NEDD4L: variants seen among roughly 807,000 people sequenced by gnomAD.
NEDD4L encodes the protein NEDD4 like E3 ubiquitin protein ligase, also known as E3 ubiquitin-protein ligase NEDD4-like.
Under a neutral mutation model 148.9 loss-of-function variants are expected in NEDD4L, and 54 were observed. The ratio of observed to expected loss-of-function variants is 0.36; its 90% confidence interval spans 0.29 to 0.45. The LOEUF is 0.45. Among genes scored for constraint, NEDD4L ranks in the 20% least tolerant of loss-of-function variants. NEDD4L has a pLI of 1.00. For missense variants in NEDD4L, 856 were observed against 1,233.8 expected, an observed-to-expected ratio of 0.69 and a Z score of 4.59; for synonymous variants, 433 against 440.7, an observed-to-expected ratio of 0.98 and a Z score of 0.22.
At chr18:58,182,466 G>A (rs895287757) in intron 2 of NEDD4L, among the ~76,000 whole-genome samples, 1 of 150,732 alleles carries the variant, frequency 6.6e-6, no homozygotes, top group Non-Finnish European at 1.5e-5. Flanking sequence ...TGGGCTGTTA[G>A]GACAGTTCCT....
intron 5 of NEDD4L, among the ~76,000 whole-genome samples, chr18:58,295,499 G>A (rs188613949): frequency 4.3e-4 from 65 of 152,264 alleles, no homozygotes; most frequent in African/African-American, 7.5e-4. Context: ...AAATGCCACC[G>A]CTTAGTTAGT....
At chr18:58,315,368 G>T (rs371494589) in intron 5 of NEDD4L, among the ~76,000 whole-genome samples, 2 of 152,074 alleles carry the variant, frequency 1.3e-5, no homozygotes, top group South Asian at 2.1e-4. Flanking sequence ...GGAGAGATAC[G>T]TGCAGTATGG....
At chr18:58,228,988 A>G (rs292448) in intron 2 of NEDD4L, among the ~76,000 whole-genome samples, 1 of 151,984 alleles carries the variant, frequency 6.6e-6, no homozygotes, top group Admixed American at 6.5e-5. Flanking sequence ...GCGGCTCACA[A>G]CTACCCAATC....
chr18:58,283,519 A>G (rs940681926), intron 5 of NEDD4L, among the ~76,000 whole-genome samples: 1 of 152,206 alleles, frequency 6.6e-6, no homozygotes, highest in Non-Finnish European at 1.5e-5. Context: ...GGAGAGAGAT[A>G]TGCAATATTT....
At chr18:58,054,740 CTG>C (rs1191388893) in intron 1 of NEDD4L, 3 of 152,296 alleles carry the variant, frequency 2.0e-5, no homozygotes, top group Non-Finnish European at 4.4e-5. Context: ...AAGCTTCAGA[CTG>C]TATTTCCTCC....
At chr18:58,215,472 T>G (rs2147819967) in intron 2 of NEDD4L, among the ~76,000 whole-genome samples, 1 of 152,350 alleles carries the variant, frequency 6.6e-6, no homozygotes, top group Middle Eastern at 3.4e-3. Flanking sequence ...TAATTTTTCA[T>G]TGATAAGAAT....
chr18:58,085,494 G>T (rs2083712509), intron 1 of NEDD4L, among the ~76,000 whole-genome samples: 1 of 152,206 alleles, frequency 6.6e-6, no homozygotes, highest in Admixed American at 6.5e-5. Context: ...AAATGAGTGT[G>T]CAAGATAATG....
chr18:58,366,385 GT>G lies in NEDD4L; in HGVS notation c.2063+159del, dbSNP rs1370197247. 1.3e-5 allele frequency among the ~76,000 whole-genome samples: 2 copies of G among 152,174 alleles called. No homozygotes were observed. Among genetic ancestry groups the G allele is most frequent in the Non-Finnish European group, 2.9e-5 (2 of 68,036 alleles). ...ACAGCCCCTTGCAAGTCTAGAACAG[GT>G]TCTGACTCTACGTGGTGAAATAGTG... On this transcript the variant is annotated intron_variant, in intron 21 of 30. Coordinates refer to ENST00000400345, the MANE Select transcript of NEDD4L (RefSeq NM_001144967.3). This position sits in a 1 kb window ranked among gnomAD's most constrained non-coding sequence, Gnocchi z 4.2.
intron 1 of NEDD4L, among the ~76,000 whole-genome samples, chr18:58,130,570 G>A (rs1311287199): frequency 2.1e-5 from 3 of 140,452 alleles, no homozygotes; most frequent in South Asian, 2.5e-4. Context: ...TAGCGGAACT[G>A]TGGCGGTGTT....
At chr18:58,052,067 T>TA (rs994563366) in intron 1 of NEDD4L, among the ~76,000 whole-genome samples, 3 of 151,974 alleles carry the variant, frequency 2.0e-5, no homozygotes, top group Admixed American at 6.6e-5. Flanking sequence ...GAGTTGAGAA[T>TA]AAAAAAAACT....
intron 27 of NEDD4L, 62 bp downstream of exon 27, chr18:58,387,560 AC>A: frequency 2.2e-6 from 3 of 1,388,130 alleles, no homozygotes; most frequent in Non-Finnish European, 2.9e-6. Flanking sequence ...TCATTACTTT[AC>A]AAGTAATATT....
chr18:58,202,480 G>A (rs1266468900), intron 2 of NEDD4L, among the ~76,000 whole-genome samples: 3 of 152,210 alleles, frequency 2.0e-5, no homozygotes, highest in Non-Finnish European at 4.4e-5. Flanking sequence ...GGATTCCCTG[G>A]GTGACTCATG....
chr18:58,239,795 C>T (rs766730524), intron 2 of NEDD4L, among the ~76,000 whole-genome samples: 47 of 152,298 alleles, frequency 3.1e-4, no homozygotes, highest in Non-Finnish European at 6.0e-4. Context: ...GAACAAGACC[C>T]TTGAATAAGA....
chr18:58,084,671 T>TTGTGTGTGTGTGTGTG lies in NEDD4L; in HGVS notation c.48+39987_48+40002dup, dbSNP rs55916532. Reference sequence around the variant, plus strand: ...CTTCTCACTATATCTTGTGGGGTTTTTGTGTGTGTGTGTGTGTGTGTGTGT... The same window carrying TTGTGTGTGTGTGTGTG: ...CTTCTCACTATATCTTGTGGGGTTTTTGTGTGTGTGTGTGTGTGTGTGTGTGTGTGTGTGTGTGTGT... On this transcript the variant is annotated intron_variant, in intron 1 of 30. Coordinates refer to ENST00000400345, the MANE Select transcript of NEDD4L (RefSeq NM_001144967.3). 2.2e-3 allele frequency among the ~76,000 whole-genome samples: 295 copies of TTGTGTGTGTGTGTGTG among 133,812 alleles called. 4 individuals carry two copies. Among genetic ancestry groups the TTGTGTGTGTGTGTGTG allele is most frequent in the African/African-American group, 4.3e-3 (154 of 35,764 alleles). 87.8% of individuals were successfully genotyped at this position (133,812 alleles called of 152,430 possible).
rs35545013 is a variant in NEDD4L at position 58,398,157 on chromosome 18, TAAAAAAAAAAAAAAA to T, written c.*1911_*1925del. 1.8e-3 allele frequency: 56 copies of T among 31,012 alleles called. No individual in the cohort carries two copies. Among genetic ancestry groups the T allele is most frequent in the Admixed American group, 5.1e-3 (9 of 1,768 alleles). The allele number at this position is 31,012 out of a possible 1,614,324, so 1.9% of individuals were successfully genotyped here. On this transcript the variant is annotated 3_prime_UTR_variant, in exon 31 of 31. Transcript: ENST00000400345. ...TCAGAAAACTTAGATGCTATGTAAC[TAAAAAAAAAAAAAAA>T]AAAAAAAAAAAAAAAAAAAAAATTC...
chr18:58,142,968 A>G (rs903973002), intron 1 of NEDD4L, among the ~76,000 whole-genome samples: 2 of 152,314 alleles, frequency 1.3e-5, no homozygotes, highest in Admixed American at 6.5e-5. Context: ...TCCAGCCTGC[A>G]TGATTGGATC....
intron 13 of NEDD4L, among the ~76,000 whole-genome samples, chr18:58,338,541 A>G (rs925394342): frequency 1.3e-5 from 2 of 152,256 alleles, no homozygotes; most frequent in African/African-American, 4.8e-5. Context: ...GAGAATGAGC[A>G]TTTTAATCAA....
chr18:58,284,889 A>T (rs889615956), intron 5 of NEDD4L, among the ~76,000 whole-genome samples: 3 of 152,114 alleles, frequency 2.0e-5, no homozygotes, highest in Admixed American at 2.0e-4. Flanking sequence ...TGTGGTTGGG[A>T]CAAGGCAGTG....
At chr18:58,167,367 A>G (rs906185089) in intron 2 of NEDD4L, among the ~76,000 whole-genome samples, 1 of 152,172 alleles carries the variant, frequency 6.6e-6, no homozygotes, top group East Asian at 1.9e-4. Flanking sequence ...ACTTTCAGCC[A>G]TTTCCATGAG....
Sources: allele counts gnomAD v4.1 joint callset (sites outside exome capture counted in the v4.1 genomes callset), GRCh38; gene constraint gnomAD v4.1.1; non-coding constraint Gnocchi (gnomAD v3.1); transcripts MANE v1.5; gene names NCBI Gene and HGNC (gene_info 2026-07-23, HGNC 2026-07-21).